The following PRKN variants were observed in gnomAD, a reference collection of about 807,000 sequenced individuals.
PRKN encodes the protein parkin RBR E3 ubiquitin protein ligase.
In PRKN, 56 loss-of-function variants were observed where a neutral mutation model predicts 59.5. The ratio of observed to expected loss-of-function variants is 0.94; its 90% CI spans 0.76 to 1.18. The LOEUF (loss-of-function observed/expected upper bound fraction) is 1.18, where lower values mean the gene tolerates loss of function less well. Among genes scored for constraint, PRKN ranks in the 50% most tolerant of loss-of-function variants. The pLI is 0.00. For synonymous variants in PRKN, 250 were observed against 222.1 expected, an observed-to-expected ratio of 1.13 and a Z score of -1.12; for missense variants, 657 against 596.4, an observed-to-expected ratio of 1.10 and a Z score of -1.06.
intron 6 of PRKN, among the ~76,000 whole-genome samples, chr6:161,860,708 G>T (rs1441125974): frequency 6.6e-6 from 1 of 152,122 alleles, no homozygotes; most frequent in African/African-American, 2.4e-5. Flanking sequence ...TGTTCACTCT[G>T]ATTATAGTTT....
intron 3 of PRKN, among the ~76,000 whole-genome samples, chr6:162,255,898 T>C (rs1308606212): frequency 6.6e-6 from 1 of 152,186 alleles, no homozygotes; most frequent in African/African-American, 2.4e-5. Context: ...AAGTAAATTA[T>C]CGGCCATTTG....
At chr6:161,753,737 C>T (rs557596942) in intron 7 of PRKN, among the ~76,000 whole-genome samples, 1 of 152,316 alleles carries the variant, frequency 6.6e-6, no homozygotes, top group South Asian at 2.1e-4. Flanking sequence ...AAGGCCAATT[C>T]TCTCCTGGTA....
rs141713349 is a variant in PRKN at position 161,497,573 on chromosome 6, T to A, written c.1083+51281A>T. Among the ~76,000 whole-genome samples, 398 of 124,218 alleles carry A rather than the reference T, an allele frequency of 3.2e-3. 2 individuals carry two copies. Among genetic ancestry groups the A allele is most frequent in the Middle Eastern group, 5.0e-3 (1 of 200 alleles). The allele number at this position is 124,218 out of a possible 152,430, so 81.5% of individuals were successfully genotyped here. ...TTACATGTCTCTCTCTCTCTCTCTC[T>A]CTCTCACACACACACACACACACAC... On this transcript the variant is annotated intron_variant, in intron 9 of 11. Coordinates refer to ENST00000366898, the MANE Select transcript of PRKN (RefSeq NM_004562.3). The surrounding 1 kb of genome is among the most constrained non-coding windows in gnomAD (Gnocchi z 4.6).
At chr6:162,203,043 C>T (rs900768239) in intron 3 of PRKN, among the ~76,000 whole-genome samples, 8 of 152,078 alleles carry the variant, frequency 5.3e-5, no homozygotes, top group African/African-American at 7.2e-5. Flanking sequence ...GCTGCAAATA[C>T]GCTAGCATTG....
chr6:161,790,979 T>C (rs1186246101), intron 6 of PRKN, among the ~76,000 whole-genome samples: 4 of 152,090 alleles, frequency 2.6e-5, no homozygotes, highest in Admixed American at 2.0e-4. Context: ...ACGGGTGACA[T>C]TTCAGAGCAG....
chr6:161,837,500 CCTTAG>C (rs1792806587), intron 6 of PRKN, among the ~76,000 whole-genome samples: 1 of 152,070 alleles, frequency 6.6e-6, no homozygotes, highest in African/African-American at 2.4e-5. Flanking sequence ...TCATTCACAG[CCTTAG>C]CATTGGGCTG....
intron 3 of PRKN, among the ~76,000 whole-genome samples, chr6:162,229,704 C>T (rs1351151614): frequency 6.6e-6 from 1 of 152,192 alleles, no homozygotes; most frequent in Non-Finnish European, 1.5e-5. Flanking sequence ...CTCTTCCTTT[C>T]CACTGTTCCT....
intron 4 of PRKN, among the ~76,000 whole-genome samples, chr6:162,110,229 C>T (rs1247729628): frequency 6.6e-6 from 1 of 152,182 alleles, no homozygotes; most frequent in East Asian, 1.9e-4. Flanking sequence ...CTATGGTATT[C>T]CTGAAGTTAT....
chr6:162,588,985 G>A (rs2128213654), intron 1 of PRKN, among the ~76,000 whole-genome samples: 1 of 152,194 alleles, frequency 6.6e-6, no homozygotes, highest in Non-Finnish European at 1.5e-5. Context: ...GATGAAAGCT[G>A]AGGTCACCAT....
chr6:162,557,074 G>A (rs1470433038), intron 1 of PRKN, among the ~76,000 whole-genome samples: 1 of 152,200 alleles, frequency 6.6e-6, no homozygotes, highest in Non-Finnish European at 1.5e-5. Context: ...CCCATACTCA[G>A]GAAACCCCGA....
At position 162,442,736 on chromosome 6, in the gene PRKN, CTGT is replaced by C. The variant is rs1478307300; in HGVS notation, c.171+571_171+573del. Among the ~76,000 whole-genome samples the C allele has an allele frequency of 1.7e-4, 26 of 152,132 alleles. 1 individual carries two copies. The highest frequency in any genetic ancestry group is 1.7e-3 in the Admixed American group (26 of 15,276). On this transcript the variant is annotated intron_variant, in intron 2 of 11. Transcript: ENST00000366898. ...TTGGAGAAATTCATGCAAAGGTATA[CTGT>C]TGTTGTGCTCCAGGCTTCCTTCCCC...
chr6:161,823,620 G>C lies in PRKN; in HGVS notation c.735-37712C>G, dbSNP rs1021711749. On this transcript the variant is annotated intron_variant, in intron 6 of 11. Coordinates refer to ENST00000366898, the MANE Select transcript of PRKN (RefSeq NM_004562.3). ...ATGGTATTACAGATTTGCTTTAAGA[G>C]AAAATAATCTCAAAATCTCATCTTT... Among the ~76,000 whole-genome samples the C allele has an allele frequency of 4.0e-5, 6 of 150,482 alleles. No individual in the cohort carries two copies. In the East Asian group the frequency reaches 1.2e-3, roughly 29 times the overall value.
chr6:161,425,331 C>G (rs1021816867), intron 9 of PRKN, among the ~76,000 whole-genome samples: 1 of 152,312 alleles, frequency 6.6e-6, no homozygotes, highest in African/African-American at 2.4e-5. Flanking sequence ...CGTTGCCTTA[C>G]AACACATCAA....
rs551845515 is a variant in PRKN, at chr6:161,472,951, A to G, written c.1083+75903T>C. 3.3e-5 allele frequency among the ~76,000 whole-genome samples: 5 copies of G among 152,348 alleles called. No individual in the cohort carries two copies. In the East Asian group the frequency reaches 9.6e-4, roughly 29 times the overall value. ...GACAGGCAAATGAAAACCATGAGAT[A>G]GCAACTTATACCTGTTAGGATGGCC... On this transcript the variant is annotated intron_variant, in intron 9 of 11. Coordinates refer to ENST00000366898, the MANE Select transcript of PRKN (RefSeq NM_004562.3).
chr6:162,111,430 G>A (rs1285755777), intron 4 of PRKN, among the ~76,000 whole-genome samples: 3 of 151,922 alleles, frequency 2.0e-5, no homozygotes, highest in Non-Finnish European at 2.9e-5. Context: ...GCACCACTGT[G>A]CTCCAGCCTG....
chr6:162,347,359 T>C (rs1013678897), intron 2 of PRKN, among the ~76,000 whole-genome samples: 8 of 151,720 alleles, frequency 5.3e-5, no homozygotes, highest in Admixed American at 1.3e-4. Context: ...TTTGTATTTT[T>C]CTACATTAAT....
In PRKN at chr6:162,670,515, C is replaced by T. The variant is rs1229145359; in HGVS notation, c.7+57147G>A. ...GCCTTGCCACTAAAATACAACCTTA[C>T]GCAGCTCTTTATCTATGCTGGCGCT... On this transcript the variant is annotated intron_variant, in intron 1 of 11. Coordinates refer to ENST00000366898, the MANE Select transcript of PRKN (RefSeq NM_004562.3). Among the ~76,000 whole-genome samples the T allele has an allele frequency of 6.6e-5, 10 of 152,286 alleles. No homozygotes were observed. The East Asian group carries it at 1.2e-3, about 18-fold the overall frequency.
rs369388444 is a variant in PRKN, at chr6:161,505,571, A to T, written c.1083+43283T>A. On this transcript the variant is annotated intron_variant, in intron 9 of 11. Transcript: ENST00000366898. ...AATTTTGGCTTTTGTTGCCATTGCT[A>T]TTGGTGTTTTAGACATGAAGTCCTT... Among the ~76,000 whole-genome samples, 8 of 152,122 alleles carry T rather than the reference A, an allele frequency of 5.3e-5. No individual in the cohort carries two copies. In the East Asian group the frequency reaches 7.7e-4, roughly 15 times the overall value.
chr6:162,182,181 G>A (rs968966813), intron 4 of PRKN, among the ~76,000 whole-genome samples: 16 of 152,098 alleles, frequency 1.1e-4, no homozygotes, highest in Non-Finnish European at 2.2e-4. Flanking sequence ...TATTACTGCT[G>A]TACTAGTCCC....
Sources: allele counts gnomAD v4.1 joint callset (sites outside exome capture counted in the v4.1 genomes callset), GRCh38; gene constraint gnomAD v4.1.1; non-coding constraint Gnocchi (gnomAD v3.1); transcripts MANE v1.5; gene names NCBI Gene and HGNC (gene_info 2026-07-23, HGNC 2026-07-21).